LACTB: variants seen among roughly 807,000 people sequenced by gnomAD.
LACTB encodes serine beta-lactamase-like protein LACTB, mitochondrial.
Under a neutral mutation model 50.2 loss-of-function variants are expected in LACTB, and 35 were observed. The ratio of observed to expected loss-of-function variants is 0.70; its 90% CI spans 0.53 to 0.92. The LOEUF (loss-of-function observed/expected upper bound fraction) is 0.92. LACTB is among the 40% of genes least tolerant of loss of function. The probability of loss-of-function intolerance (pLI) is 0.00; values close to 1 mark genes in which losing one functional copy is unlikely to be tolerated. For synonymous variants in LACTB, 252 were observed against 268.2 expected, an observed-to-expected ratio of 0.94 and a Z score of 0.59; for missense variants, 664 against 691.8, an observed-to-expected ratio of 0.96 and a Z score of 0.45.
rs182378934 is a variant in LACTB at position 63,129,995 on chromosome 15, A to C, written c.1118+345A>C. ...GTGTTATTAGTTTTTAATTGTTTTC[A>C]TACTGTTTTGAAATAATTTTATACT... On this transcript the variant is annotated intron_variant, in intron 5 of 5. Transcript: ENST00000261893. The C allele has an allele frequency of 2.4e-5, 4 of 164,294 alleles. No homozygotes were observed. In the Admixed American group the frequency reaches 2.6e-4, roughly 11 times the overall value. 10.2% of individuals were successfully genotyped at this position (164,294 alleles called of 1,614,324 possible). A position where few individuals can be genotyped will look rare whatever the true frequency, so the allele number is the denominator to read the frequency against.
chr15:63,126,904 A>G lies in LACTB; in HGVS notation c.470A>G (p.Glu157Gly), dbSNP rs994505528. Reference protein sequence around the residue: ...DVENRVPCKPETVMRIASISK... With the variant: ...DVENRVPCKPGTVMRIASISK... ...GAGAACCGTGTACCATGTAAACCAG[A>G]GACAGTTATGCGAATTGCTAGCATC... Residue 157 changes from glutamate to glycine, a missense_variant, in exon 3 of 6, where the codon GAG (glutamate) becomes GGG (glycine). By Grantham distance (98) the Glu-to-Gly change is moderately conservative (BLOSUM62 -2). Transcript: ENST00000261893. The G allele has an allele frequency of 6.2e-7, 1 of 1,612,664 alleles. No individual in the cohort carries two copies. Among genetic ancestry groups the G allele is most frequent in the Non-Finnish European group, 8.5e-7 (1 of 1,179,218 alleles).
At chr15:63,137,046 A>T (rs975158191) in intron 5 of LACTB, among the ~76,000 whole-genome samples, 1 of 152,190 alleles carries the variant, frequency 6.6e-6, no homozygotes, top group Non-Finnish European at 1.5e-5. Context: ...TTTTGCTCAG[A>T]TTTGAGTCAC....
At position 63,141,519 on chromosome 15, in the gene LACTB, C is replaced by G; in HGVS notation, c.1358C>G (p.Ser453Cys). The stretch of plus-strand genomic sequence containing the variant: ...ACCCCAGTCCCTAACACAGAGATGT[C>G]TTGGGATAAAGAGGGTAAATATGCA... ...MWTPVPNTEM[S>C]WDKEGKYAMA... The change falls in exon 6 of 6, where the codon TCT (serine) becomes TGT (cysteine). Residue 453 changes from serine (S) to cysteine (C), a missense_variant. By Grantham distance (112) the Ser-to-Cys change is moderately radical (BLOSUM62 -1). Coordinates refer to ENST00000261893, the MANE Select transcript of LACTB (RefSeq NM_032857.5). 1.2e-6 allele frequency: 2 copies of G among 1,614,164 alleles called. No homozygotes were observed. Among genetic ancestry groups the G allele is most frequent in the Non-Finnish European group, 1.7e-6 (2 of 1,180,030 alleles).
In LACTB at chr15:63,126,991, A is replaced by C; in HGVS notation, c.557A>C (p.Asp186Ala). 1 of 1,613,648 alleles carries C rather than the reference A, an allele frequency of 6.2e-7. No individual in the cohort carries two copies. The highest frequency in any genetic ancestry group is 8.5e-7 in the Non-Finnish European group (1 of 1,179,756). ...TGGGAAGCAGGGAAACTGGATCTTG[A>C]TATTCCAGTACAACATTATGTTCCC... Reference protein sequence around the residue: ...KLWEAGKLDLDIPVQHYVPEF... With the variant: ...KLWEAGKLDLAIPVQHYVPEF... The change falls in exon 3 of 6, where the codon GAT (aspartate) becomes GCT (alanine). Residue 186 changes from aspartate (D) to alanine (A), a missense_variant. Coordinates refer to ENST00000261893, the MANE Select transcript of LACTB (RefSeq NM_032857.5).
intron 3 of LACTB, 120 bp from the exon 4 acceptor site, chr15:63,127,233 A>G (rs2037064937): frequency 2.0e-6 from 2 of 985,256 alleles, no homozygotes; most frequent in Admixed American, 2.9e-5. Flanking sequence ...GGATTTGTAC[A>G]TGACATTTTC....
chr15:63,130,098 A>C (rs1415407112), intron 5 of LACTB: 1 of 152,652 alleles, frequency 6.6e-6, no homozygotes, highest in Non-Finnish European at 1.5e-5. Flanking sequence ...AGTTTACCGC[A>C]TTTGCATTAC....
chr15:63,123,955 A>G (rs1412740286), intron 2 of LACTB, among the ~76,000 whole-genome samples: 2 of 152,140 alleles, frequency 1.3e-5, no homozygotes, highest in Non-Finnish European at 2.9e-5. Flanking sequence ...GGCCCTCCAC[A>G]AGAGGTGGAG....
At chr15:63,126,083 A>G (rs1224224158) in intron 2 of LACTB, 2 of 151,976 alleles carry the variant, frequency 1.3e-5, no homozygotes, top group Admixed American at 1.3e-4. Context: ...TTAGTACATA[A>G]TTTTCCTCCT....
intron 5 of LACTB, among the ~76,000 whole-genome samples, chr15:63,133,229 C>G (rs1353521851): frequency 6.6e-6 from 1 of 152,178 alleles, no homozygotes; most frequent in African/African-American, 2.4e-5. Context: ...GTTTAGTCAG[C>G]TTTTTAGCCT....
chr15:63,124,406 C>T (rs1201912609), intron 2 of LACTB, among the ~76,000 whole-genome samples: 1 of 152,122 alleles, frequency 6.6e-6, no homozygotes, highest in African/African-American at 2.4e-5. Context: ...GGTCTCTTGC[C>T]TCAGCGCCTG....
intron 5 of LACTB, chr15:63,141,041 C>T: frequency 1.0e-6 from 1 of 984,298 alleles, no homozygotes; most frequent in Non-Finnish European, 1.2e-6. Flanking sequence ...CAAGCCATAC[C>T]AATAGAAAAA....
At chr15:63,129,804 G>A in intron 5 of LACTB, 154 bp downstream of exon 5, 1 of 986,136 alleles carries the variant, frequency 1.0e-6, no homozygotes, top group Non-Finnish European at 1.3e-6. Flanking sequence ...TAAAGTGAAG[G>A]AAGTAAAACA....
chr15:63,141,664 A>G lies in LACTB; in HGVS notation c.1503A>G (p.Glu501=). The G allele has an allele frequency of 6.2e-7, 1 of 1,614,222 alleles. No homozygotes were observed. The highest frequency in any genetic ancestry group is 8.5e-7 in the Non-Finnish European group (1 of 1,180,036). Residue 501 remains glutamate (E), a synonymous_variant, in exon 6 of 6, where the codon GAA becomes GAG. Transcript: ENST00000261893. ...GTAGTGTCCTGCTGGTCCTTCCTGA[A>G]GAACTGGATACAGAGACTATAAATA... ...GASSVLLVLP[E]ELDTETINNK...
intron 2 of LACTB, among the ~76,000 whole-genome samples, chr15:63,125,098 A>G (rs1227852453): frequency 6.6e-6 from 1 of 152,158 alleles, no homozygotes; most frequent in African/African-American, 2.4e-5. Context: ...GGGAGGAAGG[A>G]TGGCTGAAGA....
In LACTB at chr15:63,127,043, TGAAAAG is replaced by T; in HGVS notation, c.611_615+1del. ...AATTCCCAGAAAAAGAATATGAAGG[TGAAAAG>T]GTACTGAAACTCACAGTTCATTTTA... On this transcript the variant is annotated inframe_deletion and splice_region_variant, in exon 3 of 6. Transcript: ENST00000261893. The T allele has an allele frequency of 6.3e-7, 1 of 1,591,966 alleles. No homozygotes were observed. Among genetic ancestry groups the T allele is most frequent in the Non-Finnish European group, 8.6e-7 (1 of 1,165,700 alleles).
intron 2 of LACTB, among the ~76,000 whole-genome samples, chr15:63,123,592 C>T (rs1293208807): frequency 6.6e-6 from 1 of 152,100 alleles, no homozygotes; most frequent in Non-Finnish European, 1.5e-5. Flanking sequence ...GAATGTCTGG[C>T]TGCGCTGTTA....
chr15:63,139,930 C>T (rs980033418), intron 5 of LACTB, among the ~76,000 whole-genome samples: 4 of 70,040 alleles, frequency 5.7e-5, no homozygotes, highest in Non-Finnish European at 1.2e-4. Context: ...ACCTTCATCT[C>T]TACCAAAAAA....
At position 63,141,363 on chromosome 15, in the gene LACTB, T is replaced by G. The variant is rs2037226522; in HGVS notation, c.1202T>G (p.Leu401Arg). ...TATAAATGGGCTGGTGGTGGATTTCTGTCTACAGTGGGTGACCTTCTGAAA... is the reference window on the plus strand; with the variant it reads ...TATAAATGGGCTGGTGGTGGATTTCGGTCTACAGTGGGTGACCTTCTGAAA... ...NSYKWAGGGF[L>R]STVGDLLKFG... is the part of the protein sequence containing the mutation. The change falls in exon 6 of 6, where the codon CTG (leucine) becomes CGG (arginine). Residue 401 changes from leucine to arginine, a missense_variant. Coordinates refer to ENST00000261893, the MANE Select transcript of LACTB (RefSeq NM_032857.5). 6.2e-7 allele frequency: 1 copy of G among 1,614,256 alleles called. No individual in the cohort carries two copies. Among genetic ancestry groups the G allele is most frequent in the East Asian group, 2.2e-5 (1 of 44,890 alleles).
intron 2 of LACTB, among the ~76,000 whole-genome samples, chr15:63,125,604 TA>T (rs1459088157): frequency 6.6e-6 from 1 of 152,212 alleles, no homozygotes; most frequent in Non-Finnish European, 1.5e-5. Context: ...AAATATTTTT[TA>T]GATATTTAAG....
Sources: gnomAD v4.1 joint callset for allele counts (sites outside exome capture counted in the v4.1 genomes callset) on GRCh38, gnomAD v4.1.1 for gene constraint, MANE v1.5 for transcripts, NCBI Gene and HGNC (gene_info 2026-07-23, HGNC 2026-07-21) for gene names.